MPZL1: variants seen among roughly 807,000 people sequenced by gnomAD.
MPZL1 encodes the protein myelin protein zero-like protein 1.
MPZL1 carries 16 observed loss-of-function variants against 29.3 expected under a neutral mutation model. That is an observed-to-expected ratio of 0.55 (90% CI 0.37 to 0.83). The LOEUF is 0.83. Ranked by LOEUF, MPZL1 falls within the 40% of genes least tolerant of loss-of-function variation. MPZL1 has a pLI of 0.00. For synonymous variants in MPZL1, 143 were observed against 132.0 expected, an observed-to-expected ratio of 1.08 and a Z score of -0.57; for missense variants, 279 against 332.9, an observed-to-expected ratio of 0.84 and a Z score of 1.26.
intron 5 of MPZL1, among the ~76,000 whole-genome samples, chr1:167,785,809 T>G (rs1003053009): frequency 6.6e-6 from 1 of 152,228 alleles, no homozygotes; most frequent in Non-Finnish European, 1.5e-5. Context: ...TTTTGTTTTT[T>G]TGAGACGGAG....
chr1:167,726,635 T>A (rs1345396236), intron 1 of MPZL1, among the ~76,000 whole-genome samples: 1 of 152,220 alleles, frequency 6.6e-6, no homozygotes, highest in African/African-American at 2.4e-5. Context: ...TATTTCTCAT[T>A]ATCAGTTCCC....
At chr1:167,786,767 C>T (rs1433074840) in intron 5 of MPZL1, among the ~76,000 whole-genome samples, 2 of 152,148 alleles carry the variant, frequency 1.3e-5, no homozygotes, top group Non-Finnish European at 2.9e-5. Flanking sequence ...GTGCTTTTGG[C>T]TATTGAGCTT....
chr1:167,752,135 A>G (rs1411272133), intron 1 of MPZL1, among the ~76,000 whole-genome samples: 5 of 152,172 alleles, frequency 3.3e-5, no homozygotes, highest in Non-Finnish European at 5.9e-5. Flanking sequence ...TCATCTTTAA[A>G]CATCATCTCA....
At chr1:167,732,804 C>T (rs988847785) in intron 1 of MPZL1, among the ~76,000 whole-genome samples, 2 of 152,118 alleles carry the variant, frequency 1.3e-5, no homozygotes, top group South Asian at 2.1e-4. Flanking sequence ...GATGGGGTTT[C>T]GCCATGTTGA....
chr1:167,728,157 A>G (rs1660191229), intron 1 of MPZL1, among the ~76,000 whole-genome samples: 1 of 149,536 alleles, frequency 6.7e-6, no homozygotes, highest in Admixed American at 6.8e-5. Flanking sequence ...CTTCTGCCTC[A>G]GCCTGCCGAG....
chr1:167,776,837 G>A (rs1461862677), intron 5 of MPZL1, among the ~76,000 whole-genome samples: 1 of 152,204 alleles, frequency 6.6e-6, no homozygotes, highest in Non-Finnish European at 1.5e-5. Context: ...TAGAAAGCAT[G>A]CTAAAGAATT....
At chr1:167,730,100 T>C (rs1027821100) in intron 1 of MPZL1, among the ~76,000 whole-genome samples, 4 of 152,188 alleles carry the variant, frequency 2.6e-5, no homozygotes, top group African/African-American at 9.7e-5. Context: ...AGATTTCTTC[T>C]TTGGGGTGAT....
At chr1:167,771,590 T>G (rs1341965751) in intron 2 of MPZL1, among the ~76,000 whole-genome samples, 1 of 151,960 alleles carries the variant, frequency 6.6e-6, no homozygotes, top group Non-Finnish European at 1.5e-5. Context: ...GAGGCGCTCC[T>G]CACTTCCCAG....
At position 167,753,886 on chromosome 1, in the gene MPZL1, TC is replaced by T. The variant is rs137985183; in HGVS notation, c.92-11694del. ...CTCAGGTGATCCACCTGCCTCAGCT[TC>T]CCAAAGTGTTGGGATTACAGGTGTG... is the stretch of plus-strand genomic sequence containing the variant. On this transcript the variant is annotated intron_variant, in intron 1 of 5. Coordinates refer to ENST00000359523, the MANE Select transcript of MPZL1 (RefSeq NM_003953.6). 7.6e-3 allele frequency among the ~76,000 whole-genome samples: 1,156 copies of T among 152,190 alleles called. 19 individuals carry two copies. Among genetic ancestry groups the T allele is most frequent in the African/African-American group, 0.027 (1,105 of 41,522 alleles).
chr1:167,785,305 G>T (rs1558127252), intron 5 of MPZL1, among the ~76,000 whole-genome samples: 1 of 152,232 alleles, frequency 6.6e-6, no homozygotes, highest in Non-Finnish European at 1.5e-5. Context: ...ACAGAGGACA[G>T]CTGGGCCATG....
intron 1 of MPZL1, among the ~76,000 whole-genome samples, chr1:167,737,912 TG>T (rs1660408336): frequency 3.4e-5 from 5 of 147,456 alleles, no homozygotes; most frequent in African/African-American, 1.3e-4. Context: ...AGATTTCTTG[TG>T]TTTTTTTGTT....
At chr1:167,756,429 A>ATTTTTT in intron 1 of MPZL1, among the ~76,000 whole-genome samples, 1 of 94,632 alleles carries the variant, frequency 1.1e-5, no homozygotes, top group Non-Finnish European at 2.0e-5. Context: ...GTCTGGCCAG[A>ATTTTTT]TTTTTTTTTT....
At chr1:167,741,480 C>T (rs1660523839) in intron 1 of MPZL1, among the ~76,000 whole-genome samples, 1 of 151,710 alleles carries the variant, frequency 6.6e-6, no homozygotes, top group South Asian at 2.1e-4. Flanking sequence ...CACACGCCAC[C>T]ACGCCTGGCT....
intron 1 of MPZL1, among the ~76,000 whole-genome samples, chr1:167,731,709 A>T (rs938500845): frequency 1.3e-4 from 19 of 151,796 alleles, no homozygotes; most frequent in Non-Finnish European, 7.4e-5. Context: ...AACTGCTGGG[A>T]TTACAGGCGT....
chr1:167,763,011 A>T (rs1571158114), intron 1 of MPZL1, among the ~76,000 whole-genome samples: 1 of 152,202 alleles, frequency 6.6e-6, no homozygotes, highest in Admixed American at 6.5e-5. Context: ...TGTGTTTTTT[A>T]AAAAGCCACC....
At chr1:167,777,328 CTG>C (rs1397996383) in intron 5 of MPZL1, among the ~76,000 whole-genome samples, 1 of 152,120 alleles carries the variant, frequency 6.6e-6, no homozygotes, top group African/African-American at 2.4e-5. Context: ...GAAAAAGAAA[CTG>C]TGGTTTTCAA....
Position 167,775,486 on chromosome 1 carries a change from G to T in MPZL1, c.606-578G>T, listed in dbSNP as rs566482145. On this transcript the variant is annotated intron_variant, in intron 4 of 5. Coordinates refer to ENST00000359523, the MANE Select transcript of MPZL1 (RefSeq NM_003953.6). ...GAAAAGGTTCAGCCTGTGTGACCTG[G>T]CATTCCCTAATTTCTCATTCATGAC... Among the ~76,000 whole-genome samples, 9 of 152,286 alleles carry T rather than the reference G, an allele frequency of 5.9e-5. No individual in the cohort carries two copies. The East Asian group carries it at 1.2e-3, about 20-fold the overall frequency.
chr1:167,752,415 C>G (rs941003131), intron 1 of MPZL1, among the ~76,000 whole-genome samples: 1 of 152,166 alleles, frequency 6.6e-6, no homozygotes, highest in African/African-American at 2.4e-5. Flanking sequence ...TTCCCATGCC[C>G]TGCACTGTGC....
intron 1 of MPZL1, among the ~76,000 whole-genome samples, chr1:167,730,390 C>T (rs1280116074): frequency 6.6e-6 from 1 of 152,054 alleles, no homozygotes; most frequent in Admixed American, 6.6e-5. Context: ...GTGATTCTCC[C>T]ACCTCAGCCT....
Sources: allele counts gnomAD v4.1 joint callset (sites outside exome capture counted in the v4.1 genomes callset), GRCh38; gene constraint gnomAD v4.1.1; transcripts MANE v1.5; gene names NCBI Gene and HGNC (gene_info 2026-07-23, HGNC 2026-07-21).